The following AGBL4 variants were observed in gnomAD, a reference collection of about 807,000 sequenced individuals.
AGBL4 encodes cytosolic carboxypeptidase 6.
In AGBL4, 58 loss-of-function variants were observed where a neutral mutation model predicts 66.4. The ratio of observed to expected loss-of-function variants is 0.87; its 90% CI spans 0.71 to 1.09. AGBL4 has a LOEUF of 1.09. Among genes scored for constraint, AGBL4 ranks in the 50% least tolerant of loss-of-function variants. AGBL4 has a pLI of 0.00. For synonymous variants in AGBL4, 234 were observed against 222.9 expected, an observed-to-expected ratio of 1.05 and a Z score of -0.44; for missense variants, 579 against 631.0, an observed-to-expected ratio of 0.92 and a Z score of 0.88.
At chr1:49,381,022 G>A (rs1192509324) in intron 3 of AGBL4, among the ~76,000 whole-genome samples, 1 of 152,144 alleles carries the variant, frequency 6.6e-6, no homozygotes, top group Non-Finnish European at 1.5e-5. Context: ...AAGAGCTTTT[G>A]TGCAGCAAAA....
intron 6 of AGBL4, chr1:48,761,397 T>C: frequency 1.3e-6 from 2 of 1,551,776 alleles, no homozygotes; most frequent in Non-Finnish European, 1.7e-6. Flanking sequence ...CATCTTCTTC[T>C]ACATGATTAA....
At chr1:49,964,239 A>C (rs1557623936) in intron 1 of AGBL4, among the ~76,000 whole-genome samples, 1 of 152,128 alleles carries the variant, frequency 6.6e-6, no homozygotes, top group Non-Finnish European at 1.5e-5. Context: ...GCTTTGAATT[A>C]AGACAGACCT....
intron 3 of AGBL4, among the ~76,000 whole-genome samples, chr1:49,297,948 T>C (rs1644673258): frequency 6.6e-6 from 1 of 152,172 alleles, no homozygotes; most frequent in South Asian, 2.1e-4. Flanking sequence ...GGCACAGGCA[T>C]ATGATTCCCA....
chr1:48,707,593 C>A (rs1470489188), intron 6 of AGBL4, among the ~76,000 whole-genome samples: 1 of 152,186 alleles, frequency 6.6e-6, no homozygotes, highest in Non-Finnish European at 1.5e-5. Context: ...CCACCAGTGA[C>A]AAAGACTAAT....
chr1:49,404,275 C>A (rs1199998078), intron 3 of AGBL4, among the ~76,000 whole-genome samples: 1 of 152,156 alleles, frequency 6.6e-6, no homozygotes, highest in Non-Finnish European at 1.5e-5. Flanking sequence ...CACCAGAAAG[C>A]TTTCTCTCTG....
At chr1:48,783,826 T>A (rs1645352441) in intron 6 of AGBL4, among the ~76,000 whole-genome samples, 1 of 152,146 alleles carries the variant, frequency 6.6e-6, no homozygotes, top group Non-Finnish European at 1.5e-5. Context: ...GTTGAGCACC[T>A]CTGAGTTAGA....
chr1:48,740,612 T>C (rs966833698), intron 6 of AGBL4, among the ~76,000 whole-genome samples: 1 of 152,224 alleles, frequency 6.6e-6, no homozygotes, highest in African/African-American at 2.4e-5. Context: ...ATTAAAAATA[T>C]GGCATCTGGT....
chr1:49,603,157 G>A lies in AGBL4; in HGVS notation c.282+94156C>T, dbSNP rs550518193. On this transcript the variant is annotated intron_variant, in intron 3 of 13. Coordinates refer to ENST00000371839, the MANE Select transcript of AGBL4 (RefSeq NM_032785.4). The stretch of plus-strand genomic sequence containing the variant: ...AGCTACTTCCTGAGCTAAAGGTGAA[G>A]AGAACAGGAACCCAGGTGGGAAGTG... 7.5e-3 allele frequency among the ~76,000 whole-genome samples: 1,140 copies of A among 152,242 alleles called. 14 individuals are homozygous for A. The highest frequency in any genetic ancestry group is 0.027 in the Middle Eastern group (8 of 294).
intron 4 of AGBL4, among the ~76,000 whole-genome samples, chr1:49,137,872 A>G (rs895198749): frequency 1.3e-4 from 20 of 152,160 alleles, no homozygotes; most frequent in Admixed American, 1.0e-3. Context: ...AATAATTACA[A>G]TAAGGAAAAA....
chr1:49,849,423 ATT>A (rs899298254), intron 2 of AGBL4, among the ~76,000 whole-genome samples: 97 of 135,880 alleles, frequency 7.1e-4, no homozygotes, highest in Non-Finnish European at 1.3e-3. Context: ...TATTATTATT[ATT>A]ATTATTATGT....
At chr1:49,535,468 A>G (rs1167773523) in intron 3 of AGBL4, among the ~76,000 whole-genome samples, 1 of 150,678 alleles carries the variant, frequency 6.6e-6, no homozygotes, top group East Asian at 1.9e-4. Flanking sequence ...GTGGGAAAAA[A>G]CTCTGACTAC....
At chr1:49,309,040 T>C (rs1644899498) in intron 3 of AGBL4, among the ~76,000 whole-genome samples, 1 of 152,056 alleles carries the variant, frequency 6.6e-6, no homozygotes, top group South Asian at 2.1e-4. Flanking sequence ...ACCAACTCAA[T>C]CTAATCACCA....
At chr1:49,159,439 G>T (rs1033873059) in intron 4 of AGBL4, among the ~76,000 whole-genome samples, 4 of 152,174 alleles carry the variant, frequency 2.6e-5, no homozygotes, top group African/African-American at 7.2e-5. Flanking sequence ...TCTGCTGTTA[G>T]TTTGTTGGGC....
At chr1:49,449,068 A>C (rs1378769407) in intron 3 of AGBL4, among the ~76,000 whole-genome samples, 1 of 152,036 alleles carries the variant, frequency 6.6e-6, no homozygotes, top group Non-Finnish European at 1.5e-5. Flanking sequence ...TTCAAAGGTG[A>C]ATTACTAAAT....
intron 1 of AGBL4, among the ~76,000 whole-genome samples, chr1:49,953,391 C>G (rs1656324220): frequency 6.6e-6 from 1 of 151,890 alleles, no homozygotes; most frequent in Non-Finnish European, 1.5e-5. Context: ...ATACAAAAAA[C>G]AAAAGATATA....
At chr1:49,635,049 C>G (rs1645645124) in intron 3 of AGBL4, among the ~76,000 whole-genome samples, 1 of 152,146 alleles carries the variant, frequency 6.6e-6, no homozygotes. Flanking sequence ...GGCTAAAGAT[C>G]AGGCTTAGCC....
intron 5 of AGBL4, among the ~76,000 whole-genome samples, chr1:48,936,723 G>A (rs6664988): frequency 0.2 from 29,885 of 151,980 alleles, 3,695 homozygotes; most frequent in African/African-American, 0.33. Flanking sequence ...GGCATTTTAC[G>A]GTTTGTTTGC....
intron 5 of AGBL4, among the ~76,000 whole-genome samples, chr1:48,945,507 C>A (rs1307847699): frequency 1.3e-5 from 2 of 152,142 alleles, no homozygotes; most frequent in African/African-American, 4.8e-5. Flanking sequence ...TGCTATGGAA[C>A]TTCTTCGGGC....
intron 3 of AGBL4, among the ~76,000 whole-genome samples, chr1:49,347,252 C>CTTTT (rs35313917): frequency 1.6e-4 from 18 of 115,848 alleles, no homozygotes; most frequent in East Asian, 6.8e-4. Context: ...TTCTTTCTTT[C>CTTTT]TTTTTTTTTT....
Sources: allele counts gnomAD v4.1 joint callset (sites outside exome capture counted in the v4.1 genomes callset), GRCh38; gene constraint gnomAD v4.1.1; transcripts MANE v1.5; gene names NCBI Gene and HGNC (gene_info 2026-07-23, HGNC 2026-07-21).